C19orf38: variants seen among roughly 807,000 people sequenced by gnomAD.
C19orf38 encodes the protein chromosome 19 open reading frame 38, also known as protein HIDE1.
A neutral mutation model predicts 26.6 loss-of-function variants in C19orf38; 14 were observed. That is an observed-to-expected ratio of 0.53 (90% CI 0.35 to 0.82). The LOEUF is 0.82. Ranked by LOEUF, C19orf38 falls within the 40% of genes least tolerant of loss-of-function variation. The pLI, the probability that C19orf38 is intolerant of heterozygous loss-of-function variation, is 0.01. For missense variants in C19orf38, 261 were observed against 299.5 expected, an observed-to-expected ratio of 0.87 and a Z score of 0.95; for synonymous variants, 132 against 128.5, an observed-to-expected ratio of 1.03 and a Z score of -0.18.
chr19:10,853,767 A>ATT (rs879881280), intron 2 of C19orf38, among the ~76,000 whole-genome samples: 6 of 136,860 alleles, frequency 4.4e-5, no homozygotes, highest in African/African-American at 1.6e-4. Flanking sequence ...AATTTTTTGT[A>ATT]TTTTTTTTTT....
chr19:10,863,398 G>C (rs1008224792), intron 6 of C19orf38, among the ~76,000 whole-genome samples, 191 bp downstream of exon 6: 1 of 152,116 alleles, frequency 6.6e-6, no homozygotes, highest in Non-Finnish European at 1.5e-5. Context: ...AAATCCCAGG[G>C]GGTGTGTTAA....
At chr19:10,857,094 GCTAA>G (rs1028299961) in intron 3 of C19orf38, among the ~76,000 whole-genome samples, 2 of 151,176 alleles carry the variant, frequency 1.3e-5, no homozygotes, top group African/African-American at 4.9e-5. Context: ...ACCACACCTG[GCTAA>G]TTTTTAAAAA....
intron 1 of C19orf38, chr19:10,841,943 T>A: frequency 1.2e-6 from 2 of 1,609,248 alleles, no homozygotes; most frequent in Non-Finnish European, 1.7e-6. Context: ...TTGTCACGAA[T>A]GGGAAGCCAA....
chr19:10,860,233 G>A (rs922332980), intron 5 of C19orf38: 20 of 389,688 alleles, frequency 5.1e-5, no homozygotes, highest in Admixed American at 2.6e-4. Context: ...CTTACCCCTC[G>A]GTAGAAATAC....
In C19orf38 at chr19:10,863,286, C is replaced by T. The variant is rs374011454; in HGVS notation, c.543+79C>T. 533 of 1,461,924 alleles carry T rather than the reference C, an allele frequency of 3.6e-4. 1 individual carries two copies. The African/African-American group carries it at 6.3e-3, about 17-fold the overall frequency. The allele number at this position is 1,461,924 out of a possible 1,614,324, so 90.6% of individuals were successfully genotyped here. ...AACGGGGCGGGCTCAAGGGGCACCA[C>T]GAGGCTAAGTTGACCTGCTGTCTCT... On this transcript the variant is annotated intron_variant, in intron 6 of 6. Coordinates refer to ENST00000397820, the MANE Select transcript of C19orf38 (RefSeq NM_001136482.3).
intron 5 of C19orf38, among the ~76,000 whole-genome samples, chr19:10,862,756 G>A (rs1393976281): frequency 6.6e-6 from 1 of 152,048 alleles, no homozygotes; most frequent in African/African-American, 2.4e-5. Context: ...TTGAACCCAG[G>A]AGGCGGAAGT....
rs1392950799 is a variant in C19orf38 at position 10,869,342 on chromosome 19, T to C, written c.668T>C (p.Phe223Ser). 2 of 1,550,982 alleles carry C rather than the reference T, an allele frequency of 1.3e-6. No individual in the cohort carries two copies. The highest frequency in any genetic ancestry group is 1.7e-6 in the Non-Finnish European group (2 of 1,146,776). The change falls in exon 7 of 7, where the codon TTC becomes TCC. Residue 223 changes from phenylalanine to serine, a missense_variant. Transcript: ENST00000397820. The stretch of plus-strand genomic sequence containing the variant: ...TCCTCCTCGCCTGAGACCCCCGAAT[T>C]CAGCACTTTCCGGGCCTGCCAGTGA... ...STSSSPETPE[F>S]STFRACQ
chr19:10,867,012 ACT>A (rs2073758022), intron 6 of C19orf38, among the ~76,000 whole-genome samples: 1 of 151,142 alleles, frequency 6.6e-6, no homozygotes, highest in Non-Finnish European at 1.5e-5. Context: ...CTGGTCTCAG[ACT>A]CCTGACCTCA....
chr19:10,849,020 C>T (rs2073542918), intron 1 of C19orf38, among the ~76,000 whole-genome samples: 1 of 151,976 alleles, frequency 6.6e-6, no homozygotes, highest in African/African-American at 2.4e-5. Context: ...GGAAGCCGTG[C>T]TCCAAAATCC....
At chr19:10,838,920 CTTT>C (rs975765401) in intron 1 of C19orf38, among the ~76,000 whole-genome samples, 1 of 143,548 alleles carries the variant, frequency 7.0e-6, no homozygotes. Context: ...CTTTTTTTTT[CTTT>C]TTTTTTTTTG....
intron 1 of C19orf38, among the ~76,000 whole-genome samples, chr19:10,839,927 T>TA (rs2073467057): frequency 1.3e-5 from 2 of 152,092 alleles, no homozygotes; most frequent in African/African-American, 4.8e-5. Flanking sequence ...CTCCCTGTGT[T>TA]ACCCAGACTG....
chr19:10,868,721 G>A (rs2073775478), intron 6 of C19orf38, among the ~76,000 whole-genome samples: 2 of 152,028 alleles, frequency 1.3e-5, no homozygotes, highest in Admixed American at 1.3e-4. Flanking sequence ...GGCCAGGCTG[G>A]TCTCGAACTC....
chr19:10,842,031 A>G (rs2073481981), intron 1 of C19orf38: 1 of 1,610,384 alleles, frequency 6.2e-7, no homozygotes, highest in Non-Finnish European at 8.5e-7. Flanking sequence ...TATTGTCCGA[A>G]CTCCATCTGT....
At chr19:10,853,899 G>GTTTT (rs545079431) in intron 2 of C19orf38, among the ~76,000 whole-genome samples, 4 of 116,906 alleles carry the variant, frequency 3.4e-5, no homozygotes, top group African/African-American at 1.2e-4. Flanking sequence ...TCCGGCTAAT[G>GTTTT]TTTTTTTTTT....
rs944652364 is a variant in C19orf38 at position 10,869,436 on chromosome 19, G to C, written c.*69G>C. On this transcript the variant is annotated 3_prime_UTR_variant, in exon 7 of 7. Transcript: ENST00000397820. The stretch of plus-strand genomic sequence containing the variant: ...CCTGAGGTCCCTCCAGCTACTTCTG[G>C]GGGGGCTCTGTCAGCCACTTTCTCA... 1 of 1,467,118 alleles carries C rather than the reference G, an allele frequency of 6.8e-7. No individual in the cohort carries two copies. The highest frequency in any genetic ancestry group is 2.7e-5 in the Admixed American group (1 of 36,580). The allele number at this position is 1,467,118 out of a possible 1,614,324, so 90.9% of individuals were successfully genotyped here. A position where few individuals can be genotyped will look rare whatever the true frequency, so the allele number is the denominator to read the frequency against.
upstream of C19orf38, among the ~76,000 whole-genome samples, chr19:10,847,535 G>A (rs564202259): frequency 2.6e-5 from 4 of 151,906 alleles, no homozygotes; most frequent in African/African-American, 7.2e-5. Flanking sequence ...CACCACGCCC[G>A]GCTAATTTTT....
chr19:10,858,226 TAAAAAA>T (rs371026775), intron 3 of C19orf38, 84 bp from the exon 4 acceptor site: 32 of 321,538 alleles, frequency 1.0e-4, no homozygotes, highest in East Asian at 1.3e-4. Flanking sequence ...AGACTCTGTC[TAAAAAA>T]AAAAAAAAAA....
chr19:10,867,139 C>T (rs1403204157), intron 6 of C19orf38, among the ~76,000 whole-genome samples: 3 of 151,828 alleles, frequency 2.0e-5, no homozygotes, highest in Non-Finnish European at 4.4e-5. Context: ...ACCCACTCCC[C>T]GTTGTCCCTC....
rs1302346582 is a variant in C19orf38, at chr19:10,859,050, G to C, written c.461+707G>C. On this transcript the variant is annotated intron_variant, in intron 4 of 6. Coordinates refer to ENST00000397820, the MANE Select transcript of C19orf38 (RefSeq NM_001136482.3). ...CCTCCTGCGTTCAAGCAGTTCTCCT[G>C]CCTCAGCCTCCTGAGCAGCTGGGAT... is the stretch of plus-strand genomic sequence containing the variant. Among the ~76,000 whole-genome samples, 3 of 149,724 alleles carry C rather than the reference G, an allele frequency of 2.0e-5. No individual in the cohort carries two copies. The East Asian group carries it at 5.9e-4, about 30-fold the overall frequency.
Sources: allele counts gnomAD v4.1 joint callset (sites outside exome capture counted in the v4.1 genomes callset), GRCh38; gene constraint gnomAD v4.1.1; transcripts MANE v1.5; gene names NCBI Gene and HGNC (gene_info 2026-07-23, HGNC 2026-07-21).